The following DCC variants were observed in gnomAD, a reference collection of about 807,000 sequenced individuals.
DCC encodes netrin receptor DCC.
In DCC, 58 loss-of-function variants were observed where a neutral mutation model predicts 172.5. That is an observed-to-expected ratio of 0.34 (90% CI 0.27 to 0.42). DCC has a LOEUF of 0.42. Ranked by LOEUF, DCC falls within the 10% of genes least tolerant of loss-of-function variation. DCC has a pLI of 1.00. For synonymous variants in DCC, 709 were observed against 644.5 expected, an observed-to-expected ratio of 1.10 and a Z score of -1.52; for missense variants, 1,740 against 1,791.0, an observed-to-expected ratio of 0.97 and a Z score of 0.51.
chr18:53,202,094 G>A (rs2055546043), intron 9 of DCC, among the ~76,000 whole-genome samples: 1 of 152,174 alleles, frequency 6.6e-6, no homozygotes, highest in Non-Finnish European at 1.5e-5. Context: ...AGACCTAGAA[G>A]CAAATGCACT....
intron 9 of DCC, among the ~76,000 whole-genome samples, chr18:53,203,565 C>T (rs2055578188): frequency 6.6e-6 from 1 of 152,114 alleles, no homozygotes; most frequent in Non-Finnish European, 1.5e-5. Flanking sequence ...AGCAGTGATA[C>T]CATAAGGGGC....
At position 53,492,868 on chromosome 18, in the gene DCC, G is replaced by A. The variant is rs138842719; in HGVS notation, c.3898+5910G>A. 1.9e-3 allele frequency among the ~76,000 whole-genome samples: 294 copies of A among 152,236 alleles called. 2 individuals are homozygous for A. The highest frequency in any genetic ancestry group is 7.0e-3 in the African/African-American group (289 of 41,528). On this transcript the variant is annotated intron_variant, in intron 26 of 28. Coordinates refer to ENST00000442544, the MANE Select transcript of DCC (RefSeq NM_005215.4). ...TTCCAATTCTGTGAAGAAAGTCAAT[G>A]GTAGCCTGATGGGGTAGCGTTGAAT...
intron 15 of DCC, among the ~76,000 whole-genome samples, chr18:53,375,602 C>T (rs918986331): frequency 7.0e-6 from 1 of 142,034 alleles, no homozygotes; most frequent in African/African-American, 2.6e-5. Context: ...AATGTTACCA[C>T]CTTATATTTA....
intron 2 of DCC, among the ~76,000 whole-genome samples, chr18:52,819,922 G>T (rs561162386): frequency 6.6e-6 from 1 of 151,808 alleles, no homozygotes; most frequent in African/African-American, 2.4e-5. Context: ...GGGTTTCACC[G>T]TATTAGCCAG....
At chr18:53,096,011 A>G (rs1280556898) in intron 7 of DCC, among the ~76,000 whole-genome samples, 1 of 152,050 alleles carries the variant, frequency 6.6e-6, no homozygotes, top group Non-Finnish European at 1.5e-5. Flanking sequence ...TTCAGAGGTC[A>G]GGAGTTGGGA....
At chr18:53,212,230 G>T (rs2055764310) in intron 11 of DCC, among the ~76,000 whole-genome samples, 1 of 152,084 alleles carries the variant, frequency 6.6e-6, no homozygotes, top group Admixed American at 6.6e-5. Flanking sequence ...CATATTGAGG[G>T]AAGTTTCCAG....
At chr18:52,527,466 A>G (rs1229850773) in intron 1 of DCC, among the ~76,000 whole-genome samples, 2 of 152,218 alleles carry the variant, frequency 1.3e-5, no homozygotes, top group Non-Finnish European at 2.9e-5. Context: ...GTAATTGTTA[A>G]GCTTAATTGC....
At position 52,403,711 on chromosome 18, in the gene DCC, G is replaced by A. The variant is rs146258901; in HGVS notation, c.91+62833G>A. Among the ~76,000 whole-genome samples, 591 of 152,182 alleles carry A rather than the reference G, an allele frequency of 3.9e-3. 6 individuals carry two copies. In the Middle Eastern group the frequency reaches 0.055, roughly 14 times the overall value. Reference sequence around the variant, plus strand: ...GCAATGCCTTAGTGCCTTTGTGTGTGTATGTGTGTGTGTGTTCAAAGCATA... The same window carrying A: ...GCAATGCCTTAGTGCCTTTGTGTGTATATGTGTGTGTGTGTTCAAAGCATA... On this transcript the variant is annotated intron_variant, in intron 1 of 28. Transcript: ENST00000442544.
At chr18:52,742,802 C>A (rs1023061565) in intron 1 of DCC, among the ~76,000 whole-genome samples, 3 of 151,884 alleles carry the variant, frequency 2.0e-5, no homozygotes, top group African/African-American at 7.3e-5. Flanking sequence ...AAAACCTAAC[C>A]GAAAACAATC....
At chr18:52,418,385 G>A (rs1598802677) in intron 1 of DCC, among the ~76,000 whole-genome samples, 1 of 152,162 alleles carries the variant, frequency 6.6e-6, no homozygotes, top group African/African-American at 2.4e-5. Flanking sequence ...ACAAGGTAGA[G>A]ATCATTATAC....
chr18:52,525,972 C>A (rs1482529251), intron 1 of DCC, among the ~76,000 whole-genome samples: 1 of 152,172 alleles, frequency 6.6e-6, no homozygotes, highest in African/African-American at 2.4e-5. Flanking sequence ...GCACATTGCA[C>A]TAACTAATGA....
intron 2 of DCC, among the ~76,000 whole-genome samples, chr18:52,797,639 C>T (rs1274154789): frequency 6.6e-6 from 1 of 152,192 alleles, no homozygotes; most frequent in Non-Finnish European, 1.5e-5. Flanking sequence ...AGTTTGGCAG[C>T]AGTACAAATG....
At chr18:52,830,430 C>A (rs1309764354) in intron 2 of DCC, among the ~76,000 whole-genome samples, 3 of 152,114 alleles carry the variant, frequency 2.0e-5, no homozygotes, top group Non-Finnish European at 4.4e-5. Context: ...GTCCTTTTCA[C>A]TCAGAGTGAG....
At chr18:53,440,454 A>C (rs1328795726) in intron 22 of DCC, among the ~76,000 whole-genome samples, 1 of 152,040 alleles carries the variant, frequency 6.6e-6, no homozygotes, top group Non-Finnish European at 1.5e-5. Flanking sequence ...TGCTCTATAA[A>C]ATTTGTCAGA....
At chr18:52,996,300 G>C (rs548811076) in intron 5 of DCC, among the ~76,000 whole-genome samples, 104 of 151,928 alleles carry the variant, frequency 6.8e-4, no homozygotes, top group African/African-American at 2.5e-3. Flanking sequence ...TTAAAAGAAT[G>C]ATTCTAACAA....
chr18:52,773,510 A>G (rs937998110), intron 2 of DCC, among the ~76,000 whole-genome samples: 7 of 77,044 alleles, frequency 9.1e-5, no homozygotes, highest in African/African-American at 2.3e-4. Flanking sequence ...CTATATATCT[A>G]TATCTATCTA....
At chr18:53,227,183 GT>G (rs2056047152) in intron 12 of DCC, among the ~76,000 whole-genome samples, 1 of 151,398 alleles carries the variant, frequency 6.6e-6, no homozygotes, top group Non-Finnish European at 1.5e-5. Flanking sequence ...TACTGACCTC[GT>G]GATCTGCCAC....
chr18:52,417,822 C>T (rs1374284954), intron 1 of DCC, among the ~76,000 whole-genome samples: 3 of 152,072 alleles, frequency 2.0e-5, no homozygotes, highest in Non-Finnish European at 4.4e-5. Context: ...TTTGAATTTC[C>T]TCCTGTAGCT....
chr18:53,372,588 C>T (rs1000886740), intron 15 of DCC, among the ~76,000 whole-genome samples: 4 of 151,782 alleles, frequency 2.6e-5, no homozygotes, highest in South Asian at 2.1e-4. Context: ...AACTTGCACA[C>T]GTACCCATGA....
Sources: gnomAD v4.1 joint callset for allele counts (sites outside exome capture counted in the v4.1 genomes callset) on GRCh38, gnomAD v4.1.1 for gene constraint, MANE v1.5 for transcripts, NCBI Gene and HGNC (gene_info 2026-07-23, HGNC 2026-07-21) for gene names.